Variants in RABGEF1 observed in about 807,000 individuals in gnomAD.
RABGEF1 encodes rab5 GDP/GTP exchange factor.
RABGEF1 carries 26 observed loss-of-function variants against 57.3 expected under a neutral mutation model. That is an observed-to-expected ratio of 0.45 (90% confidence interval 0.33 to 0.63). The LOEUF is 0.63. RABGEF1 is among the 20% of genes least tolerant of loss of function. The pLI, the probability that RABGEF1 is intolerant of heterozygous loss-of-function variation, is 0.02. For missense variants in RABGEF1, 464 were observed against 607.6 expected, an observed-to-expected ratio of 0.76 and a Z score of 2.48; for synonymous variants, 185 against 210.7, an observed-to-expected ratio of 0.88 and a Z score of 1.06.
chr7:66,767,649 C>T (rs1806076872), intron 1 of RABGEF1, among the ~76,000 whole-genome samples: 1 of 152,154 alleles, frequency 6.6e-6, no homozygotes, highest in South Asian at 2.1e-4. Context: ...GTGGAGACCT[C>T]ATGACTGGGG....
At chr7:66,660,164 G>A in the RABGEF1 span, among the ~76,000 whole-genome samples, 1 of 151,696 alleles carries the variant, frequency 6.6e-6, no homozygotes, top group African/African-American at 2.4e-5. Flanking sequence ...TGGCTAACAC[G>A]GTGAAACCCC....
rs556261518 is a variant in RABGEF1 at position 66,789,126 on chromosome 7, T to C, written c.513+5285T>C. Among the ~76,000 whole-genome samples, 8 of 152,356 alleles carry C rather than the reference T, an allele frequency of 5.3e-5. 1 individual carries two copies. In the East Asian group the frequency reaches 1.2e-3, roughly 22 times the overall value. ...ATAAGTGTCCTCCTATACCTTAAAA[T>C]GACTCTATTGTTGTAAACTATATAT... On this transcript the variant is annotated intron_variant, in intron 4 of 8. Transcript: ENST00000284957.
chr7:66,677,265 G>T (rs77672395), upstream of RABGEF1, among the ~76,000 whole-genome samples: 4 of 152,044 alleles, frequency 2.6e-5, no homozygotes, highest in East Asian at 1.9e-4. Context: ...TAAAGGCCAC[G>T]CCTGAAAAAT....
chr7:66,699,257 A>G (rs950753248), intron 1 of RABGEF1, among the ~76,000 whole-genome samples: 1 of 152,172 alleles, frequency 6.6e-6, no homozygotes, highest in African/African-American at 2.4e-5. Context: ...CGGGGCATAC[A>G]TTCTTCTTTT....
chr7:66,760,485 C>T (rs188093588), intron 1 of RABGEF1, among the ~76,000 whole-genome samples: 15 of 148,462 alleles, frequency 1.0e-4, no homozygotes, highest in Non-Finnish European at 1.9e-4. Flanking sequence ...GCTCTATTGC[C>T]TAGGCTGGAG....
intron 3 of RABGEF1, among the ~76,000 whole-genome samples, chr7:66,779,493 G>C (rs1809341752): frequency 6.6e-6 from 1 of 151,938 alleles, no homozygotes; most frequent in South Asian, 2.1e-4. Context: ...AACAATGTGA[G>C]GCCCCCATCT....
intron 1 of RABGEF1, among the ~76,000 whole-genome samples, chr7:66,687,591 A>G (rs1584638650): frequency 6.6e-6 from 1 of 151,950 alleles, no homozygotes; most frequent in South Asian, 2.1e-4. Context: ...AGGTGGGAGG[A>G]TCTCTTGAGC....
chr7:66,711,441 G>C (rs1794768591), intron 1 of RABGEF1, among the ~76,000 whole-genome samples: 1 of 150,676 alleles, frequency 6.6e-6, no homozygotes, highest in Non-Finnish European at 1.5e-5. Flanking sequence ...GTGAGGTTAG[G>C]TTGAAGTTCA....
intron 2 of RABGEF1, among the ~76,000 whole-genome samples, chr7:66,716,168 C>T (rs1795370977): frequency 6.6e-6 from 1 of 151,944 alleles, no homozygotes; most frequent in Admixed American, 6.6e-5. Context: ...ATGTAATGTC[C>T]CTCTTAATCT....
chr7:66,692,260 A>G (rs1791632501), intron 1 of RABGEF1, among the ~76,000 whole-genome samples: 1 of 152,226 alleles, frequency 6.6e-6, no homozygotes, highest in Admixed American at 6.5e-5. Context: ...TCCCTTGGGC[A>G]CTGGGCCTCT....
At chr7:66,685,157 T>A (rs1205650427) in intron 1 of RABGEF1, among the ~76,000 whole-genome samples, 1 of 144,792 alleles carries the variant, frequency 6.9e-6, no homozygotes, top group African/African-American at 2.6e-5. Context: ...TATTTGCTTT[T>A]TTTTTTTTTT....
At chr7:66,718,302 G>A (rs960779449) in intron 2 of RABGEF1, among the ~76,000 whole-genome samples, 1 of 152,168 alleles carries the variant, frequency 6.6e-6, no homozygotes, top group African/African-American at 2.4e-5. Flanking sequence ...CTGAGAACAT[G>A]CCACTGCACA....
intron 1 of RABGEF1, among the ~76,000 whole-genome samples, chr7:66,767,632 C>G (rs1187690103): frequency 6.6e-6 from 1 of 152,096 alleles, no homozygotes; most frequent in Non-Finnish European, 1.5e-5. Flanking sequence ...GTGATTAGTT[C>G]ATGAAAGTGG....
intron 2 of RABGEF1, among the ~76,000 whole-genome samples, chr7:66,733,064 G>T (rs959148411): frequency 6.6e-6 from 1 of 152,136 alleles, no homozygotes; most frequent in Non-Finnish European, 1.5e-5. Flanking sequence ...CGTAGTCAAG[G>T]TTCCTGGAGT....
At chr7:66,748,454 C>T (rs1800730212) in intron 1 of RABGEF1, among the ~76,000 whole-genome samples, 1 of 152,172 alleles carries the variant, frequency 6.6e-6, no homozygotes, top group African/African-American at 2.4e-5. Context: ...CATCTGTTTT[C>T]TGTTGTTGGT....
intron 1 of RABGEF1, among the ~76,000 whole-genome samples, chr7:66,696,533 T>C (rs1210708604): frequency 6.6e-6 from 1 of 151,548 alleles, no homozygotes; most frequent in African/African-American, 2.4e-5. Context: ...CTACTAAAAA[T>C]ACAAAAATTA....
chr7:66,665,319 T>TTC, the RABGEF1 span: 1 of 151,500 alleles, frequency 6.6e-6, no homozygotes, highest in African/African-American at 2.4e-5. Flanking sequence ...TAATTTTTTT[T>TTC]TTTTTGTAGA....
chr7:66,742,986 G>A (rs552709492), intron 1 of RABGEF1, among the ~76,000 whole-genome samples: 1 of 152,140 alleles, frequency 6.6e-6, no homozygotes, highest in African/African-American at 2.4e-5. Context: ...ACCAGGGGAA[G>A]TTTTTTAGCT....
chr7:66,755,481 A>G (rs549906025), intron 1 of RABGEF1, among the ~76,000 whole-genome samples: 3 of 152,198 alleles, frequency 2.0e-5, no homozygotes, highest in Non-Finnish European at 4.4e-5. Flanking sequence ...ATGTCAAGAA[A>G]AGAAAAGAAA....
Sources: allele counts gnomAD v4.1 joint callset (sites outside exome capture counted in the v4.1 genomes callset), GRCh38; gene constraint gnomAD v4.1.1; transcripts MANE v1.5; gene names NCBI Gene and HGNC (gene_info 2026-07-23, HGNC 2026-07-21).